RNGTT: variants seen among roughly 807,000 people sequenced by gnomAD.
RNGTT encodes mRNA-capping enzyme.
A neutral mutation model predicts 79.3 loss-of-function variants in RNGTT; 33 were observed. That is an observed-to-expected ratio of 0.42 (90% CI 0.32 to 0.56). The LOEUF (loss-of-function observed/expected upper bound fraction) is 0.56, where lower values mean the gene tolerates loss of function less well. Among genes scored for constraint, RNGTT ranks in the 20% least tolerant of loss-of-function variants. RNGTT has a pLI of 0.17. For synonymous variants in RNGTT, 222 were observed against 235.9 expected (o/e 0.94, Z 0.54); for missense variants, 497 against 739.1 (o/e 0.67, Z 3.80).
intron 2 of RNGTT, among the ~76,000 whole-genome samples, chr6:88,939,198 AC>A (rs1400406005): frequency 6.6e-6 from 1 of 152,074 alleles, no homozygotes; most frequent in Middle Eastern, 3.2e-3. Flanking sequence ...AGGTTTTCTA[AC>A]CCTTTTGTTC....
At chr6:88,843,004 G>A (rs1375211062) in intron 11 of RNGTT, among the ~76,000 whole-genome samples, 1 of 152,068 alleles carries the variant, frequency 6.6e-6, no homozygotes, top group Admixed American at 6.6e-5. Context: ...GACCCCAGGA[G>A]GTCAAGGCTG....
At chr6:88,956,652 G>T (rs1436186533) in intron 1 of RNGTT, among the ~76,000 whole-genome samples, 3 of 152,160 alleles carry the variant, frequency 2.0e-5, no homozygotes, top group Non-Finnish European at 2.9e-5. Flanking sequence ...CAAAATGCCA[G>T]CTAACCAAAT....
chr6:88,640,511 C>G (rs1773269494), intron 14 of RNGTT, among the ~76,000 whole-genome samples: 1 of 144,754 alleles, frequency 6.9e-6, no homozygotes, highest in Non-Finnish European at 1.5e-5. Context: ...CACACCACTG[C>G]ACTCCAGCCT....
At chr6:88,714,470 T>TCTCG (rs1776432281) in intron 13 of RNGTT, 1 of 84,758 alleles carries the variant, frequency 1.2e-5, no homozygotes, top group Non-Finnish European at 2.0e-5. Flanking sequence ...TGAGACGGAG[T>TCTCG]CTCGCTCTGT....
intron 12 of RNGTT, among the ~76,000 whole-genome samples, chr6:88,782,609 G>T (rs1239244465): frequency 1.3e-5 from 2 of 152,032 alleles, no homozygotes; most frequent in African/African-American, 2.4e-5. Flanking sequence ...CAAAGTGAAA[G>T]GTCACCTATG....
At chr6:88,961,309 C>T (rs1700242754) in intron 1 of RNGTT, among the ~76,000 whole-genome samples, 1 of 151,916 alleles carries the variant, frequency 6.6e-6, no homozygotes, top group Non-Finnish European at 1.5e-5. Flanking sequence ...TAATAAACTC[C>T]CCTTTACGTC....
rs571277161 is a variant in RNGTT at position 88,748,765 on chromosome 6, G to GA, written c.1439+21008dup. On this transcript the variant is annotated intron_variant, in intron 13 of 15. Transcript: ENST00000369485. ...CAAGTGAAATGCCGGAAGCAAAGAA[G>GA]AAAAAAAATGGGGAAAAGTAATATT... Among the ~76,000 whole-genome samples the GA allele has an allele frequency of 2.1e-3, 310 of 150,260 alleles. 4 individuals are homozygous for GA. The highest frequency in any genetic ancestry group is 7.3e-3 in the African/African-American group (298 of 40,990).
chr6:88,616,716 CTT>C (rs996825854), intron 14 of RNGTT, among the ~76,000 whole-genome samples: 5 of 152,086 alleles, frequency 3.3e-5, no homozygotes, highest in South Asian at 2.1e-4. Context: ...ATACAAGAAA[CTT>C]TGTCAATTTT....
intron 8 of RNGTT, among the ~76,000 whole-genome samples, chr6:88,864,032 T>A (rs1270712418): frequency 6.6e-6 from 1 of 152,156 alleles, no homozygotes; most frequent in Non-Finnish European, 1.5e-5. Flanking sequence ...CCTCCACTGC[T>A]CAGGAATTTG....
intron 14 of RNGTT, among the ~76,000 whole-genome samples, chr6:88,647,811 T>A (rs575226512): frequency 6.6e-6 from 1 of 151,490 alleles, no homozygotes; most frequent in Admixed American, 6.6e-5. Flanking sequence ...AATCAATCTG[T>A]TCTATTTTTC....
chr6:88,771,334 TATATATATATATATATACAC>T (rs1365551799), intron 12 of RNGTT, among the ~76,000 whole-genome samples: 2 of 104,538 alleles, frequency 1.9e-5, no homozygotes, highest in African/African-American at 3.7e-5. Flanking sequence ...TATATATATA[TATATATATATATATATACAC>T]ACACACACAC....
intron 6 of RNGTT, among the ~76,000 whole-genome samples, chr6:88,895,108 CAG>C (rs1783190040): frequency 6.6e-6 from 1 of 151,850 alleles, no homozygotes; most frequent in Admixed American, 6.6e-5. Flanking sequence ...ATTTCATAAA[CAG>C]AGTCAGCTAG....
intron 13 of RNGTT, among the ~76,000 whole-genome samples, chr6:88,693,465 C>G (rs1775553249): frequency 1.3e-5 from 2 of 152,176 alleles, no homozygotes; most frequent in South Asian, 2.1e-4. Flanking sequence ...GAGATTGAAT[C>G]TGTAATAAAA....
At chr6:88,623,983 T>C (rs908548620) in intron 14 of RNGTT, among the ~76,000 whole-genome samples, 2 of 151,996 alleles carry the variant, frequency 1.3e-5, no homozygotes, top group African/African-American at 4.8e-5. Flanking sequence ...TTTTAAAGTA[T>C]AATTTATAGT....
chr6:88,684,641 C>T (rs762214976), intron 13 of RNGTT, among the ~76,000 whole-genome samples: 1 of 152,024 alleles, frequency 6.6e-6, no homozygotes, highest in Non-Finnish European at 1.5e-5. Context: ...TATGATCCAA[C>T]TATATGATAT....
intron 12 of RNGTT, among the ~76,000 whole-genome samples, chr6:88,775,921 T>C (rs1778861594): frequency 6.6e-6 from 1 of 152,220 alleles, no homozygotes; most frequent in African/African-American, 2.4e-5. Flanking sequence ...TATACCATAA[T>C]TTCTTAATTC....
At chr6:88,843,911 A>G (rs1234651070) in intron 11 of RNGTT, among the ~76,000 whole-genome samples, 3 of 149,080 alleles carry the variant, frequency 2.0e-5, no homozygotes, top group Non-Finnish European at 4.4e-5. Context: ...GAAAACCTTC[A>G]ATGTATGTGT....
Position 88,742,800 on chromosome 6 carries a change from T to C in RNGTT, c.1439+26974A>G, listed in dbSNP as rs187860720. ...TTAAAAACTTTTCAAAGGGTGCTTA[T>C]GAGTAGCAATTAGAGAGAAGTTTTC... On this transcript the variant is annotated intron_variant, in intron 13 of 15. Coordinates refer to ENST00000369485, the MANE Select transcript of RNGTT (RefSeq NM_003800.5). Among the ~76,000 whole-genome samples, 560 of 152,336 alleles carry C rather than the reference T, an allele frequency of 3.7e-3. 3 individuals carry two copies. The highest frequency in any genetic ancestry group is 6.4e-3 in the Non-Finnish European group (435 of 68,032).
chr6:88,766,669 A>C (rs1335969695), intron 13 of RNGTT, among the ~76,000 whole-genome samples: 1 of 152,106 alleles, frequency 6.6e-6, no homozygotes, highest in Non-Finnish European at 1.5e-5. Context: ...AATCTAACAG[A>C]AATCTATACT....
Sources: gnomAD v4.1 joint callset for allele counts (sites outside exome capture counted in the v4.1 genomes callset) on GRCh38, gnomAD v4.1.1 for gene constraint, MANE v1.5 for transcripts, NCBI Gene and HGNC (gene_info 2026-07-23, HGNC 2026-07-21) for gene names.